PPP2R5E: variants seen among roughly 807,000 people sequenced by gnomAD.
PPP2R5E encodes the protein serine/threonine-protein phosphatase 2A 56 kDa regulatory subunit epsilon isoform.
In PPP2R5E, 4 loss-of-function variants were observed where a neutral mutation model predicts 65.3. The observed-to-expected ratio is 0.06, with a 90% CI of 0.03 to 0.14. The LOEUF is 0.14. Among genes scored for constraint, PPP2R5E ranks in the 10% least tolerant of loss-of-function variants. PPP2R5E has a pLI of 1.00. For synonymous variants in PPP2R5E, 183 were observed against 187.4 expected, an observed-to-expected ratio of 0.98 and a Z score of 0.19; for missense variants, 274 against 556.1, an observed-to-expected ratio of 0.49 and a Z score of 5.10.
At chr14:63,463,001 C>T (rs1374805753) in intron 2 of PPP2R5E, among the ~76,000 whole-genome samples, 2 of 147,722 alleles carry the variant, frequency 1.4e-5, no homozygotes, top group Non-Finnish European at 3.0e-5. Context: ...ACCCGGGAGG[C>T]TGAGGCAGGA....
intron 4 of PPP2R5E, among the ~76,000 whole-genome samples, chr14:63,416,636 G>GA (rs1230241807): frequency 6.8e-6 from 1 of 146,728 alleles, no homozygotes; most frequent in African/African-American, 2.5e-5. Flanking sequence ...AATAAAAAGT[G>GA]AAAAAAACTT....
At chr14:63,528,761 C>T (rs372015949) in intron 2 of PPP2R5E, among the ~76,000 whole-genome samples, 43 of 151,856 alleles carry the variant, frequency 2.8e-4, no homozygotes, top group African/African-American at 9.2e-4. Flanking sequence ...AAAATAAATG[C>T]CTTTATTACT....
intron 2 of PPP2R5E, among the ~76,000 whole-genome samples, chr14:63,470,168 C>A (rs2139553628): frequency 6.6e-6 from 1 of 152,206 alleles, no homozygotes; most frequent in African/African-American, 2.4e-5. Flanking sequence ...ACCTCCCTGG[C>A]TGAAGCAATC....
rs1304622239 is a variant in PPP2R5E at position 63,463,830 on chromosome 14, T to A, written c.158-9945A>T. 2.0e-5 allele frequency among the ~76,000 whole-genome samples: 3 copies of A among 151,962 alleles called. No individual in the cohort carries two copies. In the East Asian group the frequency reaches 5.8e-4, roughly 30 times the overall value. On this transcript the variant is annotated intron_variant, in intron 2 of 13. Transcript: ENST00000337537. ...CCAGGATGGTCTGGATCTCCTGACCTCGTGATCCGCCTGCCTCGGCCTCCC... is the reference window on the plus strand; with the variant it reads ...CCAGGATGGTCTGGATCTCCTGACCACGTGATCCGCCTGCCTCGGCCTCCC...
rs72714247 is a variant in PPP2R5E, at chr14:63,455,648, G to A, written c.158-1763C>T. ...TCTCTAAGTGCTACCTGCTTTGGGC[G>A]TTTAAAATAAATAAATAAAAATGAA... is the stretch of plus-strand genomic sequence containing the variant. On this transcript the variant is annotated intron_variant, in intron 2 of 13. Coordinates refer to ENST00000337537, the MANE Select transcript of PPP2R5E (RefSeq NM_006246.5). Among the ~76,000 whole-genome samples, 360 of 152,168 alleles carry A rather than the reference G, an allele frequency of 2.4e-3. 2 individuals carry two copies. The highest frequency in any genetic ancestry group is 3.1e-3 in the African/African-American group (129 of 41,514).
At chr14:63,403,380 T>C (rs72714230) in intron 5 of PPP2R5E, among the ~76,000 whole-genome samples, 7,910 of 119,574 alleles carry the variant, frequency 0.066, 253 homozygotes, top group East Asian at 0.12. Flanking sequence ...AAAGCGAGAG[T>C]CTGTCTCAAA....
intron 2 of PPP2R5E, among the ~76,000 whole-genome samples, chr14:63,511,903 A>T (rs1892468338): frequency 6.6e-6 from 1 of 151,888 alleles, no homozygotes; most frequent in Non-Finnish European, 1.5e-5. Context: ...ACATGGTGAA[A>T]CCCCATCTCT....
At chr14:63,484,347 T>TCTCACACACACA (rs758248092) in intron 2 of PPP2R5E, among the ~76,000 whole-genome samples, 79 of 139,682 alleles carry the variant, frequency 5.7e-4, no homozygotes, top group Non-Finnish European at 5.7e-4. Context: ...TCTCTCTCTC[T>TCTCACACACACA]CACACACACA....
chr14:63,430,389 A>ACATGCATACATG (rs1427187078), intron 3 of PPP2R5E, among the ~76,000 whole-genome samples: 17 of 142,582 alleles, frequency 1.2e-4, no homozygotes, highest in African/African-American at 4.7e-4. Context: ...ATACATACAT[A>ACATGCATACATG]CATACATACA....
rs1490872279 is a variant in PPP2R5E at position 63,375,495 on chromosome 14, G to C, written c.*514C>G. The C allele has an allele frequency of 6.6e-6, 1 of 152,620 alleles. No homozygotes were observed. The highest frequency in any genetic ancestry group is 1.5e-5 in the Non-Finnish European group (1 of 68,020). 9.5% of individuals were successfully genotyped at this position (152,620 alleles called of 1,614,324 possible). On this transcript the variant is annotated 3_prime_UTR_variant, in exon 14 of 14. Transcript: ENST00000337537. ...TCCACGTGGACATTCAACTCAGGAA[G>C]ATGTGCAAAAGAAAAAGATGTTAAA...
chr14:63,417,908 A>G (rs1224901912), intron 4 of PPP2R5E, among the ~76,000 whole-genome samples: 1 of 152,214 alleles, frequency 6.6e-6, no homozygotes, highest in Non-Finnish European at 1.5e-5. Flanking sequence ...CTTGCAGGAC[A>G]TGGAAAATCA....
chr14:63,532,559 CAT>C (rs760308080), intron 2 of PPP2R5E, among the ~76,000 whole-genome samples: 15 of 152,152 alleles, frequency 9.9e-5, no homozygotes, highest in Non-Finnish European at 2.1e-4. Context: ...TAAAATATGT[CAT>C]AAAAATTTCA....
Position 63,529,306 on chromosome 14 carries a change from C to A in PPP2R5E, c.157+10223G>T, listed in dbSNP as rs569731530. Among the ~76,000 whole-genome samples the A allele has an allele frequency of 9.2e-5, 14 of 151,936 alleles. No homozygotes were observed. The East Asian group carries it at 2.7e-3, about 30-fold the overall frequency. On this transcript the variant is annotated intron_variant, in intron 2 of 13. Coordinates refer to ENST00000337537, the MANE Select transcript of PPP2R5E (RefSeq NM_006246.5). ...CTTTTTGAGATAGATCCGCCCACCT[C>A]AGCCTCCCAAAGTGCTGGGATTACA... is the stretch of plus-strand genomic sequence containing the variant.
At chr14:63,448,867 C>T (rs1321573551) in intron 3 of PPP2R5E, among the ~76,000 whole-genome samples, 1 of 151,638 alleles carries the variant, frequency 6.6e-6, no homozygotes, top group Non-Finnish European at 1.5e-5. Context: ...TTGTTTATAC[C>T]CATAAGAGCT....
intron 4 of PPP2R5E, among the ~76,000 whole-genome samples, chr14:63,418,862 T>TTTG (rs1176715877): frequency 1.3e-5 from 2 of 148,664 alleles, no homozygotes; most frequent in African/African-American, 5.0e-5. Flanking sequence ...TTTTTTTTTT[T>TTTG]TGGTGAGATG....
chr14:63,384,649 A>T, intron 11 of PPP2R5E, 78 bp from the exon 12 acceptor site: 1 of 1,242,098 alleles, frequency 8.1e-7, no homozygotes, highest in Non-Finnish European at 1.1e-6. Flanking sequence ...TTTCCAAACA[A>T]AAGTATTTCA....
At chr14:63,418,842 T>G (rs1183442055) in intron 4 of PPP2R5E, among the ~76,000 whole-genome samples, 1 of 82,638 alleles carries the variant, frequency 1.2e-5, no homozygotes, top group Admixed American at 1.0e-4. Flanking sequence ...ATTTTTTTAC[T>G]TTTTTTTTTT....
At chr14:63,376,823 T>C (rs1385994413) in intron 13 of PPP2R5E, among the ~76,000 whole-genome samples, 2 of 152,188 alleles carry the variant, frequency 1.3e-5, no homozygotes, top group Non-Finnish European at 2.9e-5. Flanking sequence ...TTACTAAAAA[T>C]AATTCACTAC....
chr14:63,463,886 G>A (rs1889638100), intron 2 of PPP2R5E, among the ~76,000 whole-genome samples: 1 of 152,144 alleles, frequency 6.6e-6, no homozygotes, highest in South Asian at 2.1e-4. Context: ...GTGAGCCATC[G>A]CGCCCGGCCG....
Sources: allele counts gnomAD v4.1 joint callset (sites outside exome capture counted in the v4.1 genomes callset), GRCh38; gene constraint gnomAD v4.1.1; transcripts MANE v1.5; gene names NCBI Gene and HGNC (gene_info 2026-07-23, HGNC 2026-07-21).